The following CA5A variants were observed in gnomAD, a reference collection of about 807,000 sequenced individuals.
CA5A encodes carbonic anhydrase 5A, mitochondrial.
Under a neutral mutation model 37.1 loss-of-function variants are expected in CA5A, and 28 were observed. The observed-to-expected ratio is 0.75, with a 90% CI of 0.56 to 1.03. The LOEUF is 1.03. Ranked by LOEUF, CA5A falls within the 50% of genes least tolerant of loss-of-function variation. The probability of loss-of-function intolerance (pLI) is 0.00; values close to 1 mark genes in which losing one functional copy is unlikely to be tolerated. For missense variants in CA5A, 444 were observed against 399.9 expected (o/e 1.11, Z -0.94); for synonymous variants, 171 against 158.4 (o/e 1.08, Z -0.60).
intron 2 of CA5A, chr16:87,924,425 C>A (rs951876601): frequency 1.7e-6 from 1 of 578,964 alleles, no homozygotes; most frequent in African/African-American, 2.0e-5. Context: ...GAAGCTCTCA[C>A]GCCCTGCCCC....
Position 87,888,129 on chromosome 16 carries a change from C to T in CA5A, c.918G>A (p.Ter306=), listed in dbSNP as rs1174707961. 1 of 1,611,102 alleles carries T rather than the reference C, an allele frequency of 6.2e-7. No individual in the cohort carries two copies. The highest frequency in any genetic ancestry group is 1.3e-5 in the African/African-American group (1 of 74,822). Residue 306 remains the stop codon, a stop_retained_variant, in exon 7 of 7, where the codon TAG becomes TAA. Transcript: ENST00000649794. Reference sequence around the variant, plus strand: ...TGCTATTCATGTGGACCTAATGTCTCTAGGACCTTGTGCCCTCATTAGTGG... The same window carrying T: ...TGCTATTCATGTGGACCTAATGTCTTTAGGACCTTGTGCCCTCATTAGTGG... The part of the protein sequence containing the change: ...FQATNEGTRS[*]
intron 5 of CA5A, among the ~76,000 whole-genome samples, chr16:87,900,191 T>C (rs1476135348): frequency 2.0e-5 from 3 of 152,028 alleles, no homozygotes; most frequent in African/African-American, 7.2e-5. Flanking sequence ...CACCAAGAGG[T>C]GGGACCACCT....
At chr16:87,894,591 A>G (rs2055774394) in intron 5 of CA5A, among the ~76,000 whole-genome samples, 1 of 151,850 alleles carries the variant, frequency 6.6e-6, no homozygotes, top group Non-Finnish European at 1.5e-5. Context: ...AAAAAACAGC[A>G]TTATAGGCTG....
At chr16:87,909,110 C>T (rs1042503444) in intron 2 of CA5A, among the ~76,000 whole-genome samples, 1 of 151,854 alleles carries the variant, frequency 6.6e-6, no homozygotes, top group African/African-American at 2.4e-5. Flanking sequence ...GGATTACAGA[C>T]GTGAGCCACT....
At chr16:87,919,960 G>T (rs906378532) in intron 2 of CA5A, among the ~76,000 whole-genome samples, 1 of 152,138 alleles carries the variant, frequency 6.6e-6, no homozygotes, top group African/African-American at 2.4e-5. Context: ...CACCGCTCTC[G>T]TCCCTCCACC....
In CA5A at chr16:87,924,280, C is replaced by A. The variant is rs922219644; in HGVS notation, c.340+2468G>T. 23 of 985,354 alleles carry A rather than the reference C, an allele frequency of 2.3e-5. No homozygotes were observed. The African/African-American group carries it at 3.8e-4, about 16-fold the overall frequency. The allele number at this position is 985,354 out of a possible 1,614,324, so 61.0% of individuals were successfully genotyped here. A position where few individuals can be genotyped will look rare whatever the true frequency, so the allele number is the denominator to read the frequency against. ...AGCATCCGCGGGGGTTGCAGTGGAG[C>A]CTGATGAAGCAACCGTGAATGGCAC... is the stretch of plus-strand genomic sequence containing the variant. On this transcript the variant is annotated intron_variant, in intron 2 of 6. Coordinates refer to ENST00000649794, the MANE Select transcript of CA5A (RefSeq NM_001739.2).
chr16:87,920,314 A>T (rs1267816762), intron 2 of CA5A, among the ~76,000 whole-genome samples: 3 of 149,478 alleles, frequency 2.0e-5, no homozygotes, highest in African/African-American at 5.1e-5. Context: ...TGTTTGTTTG[A>T]TTGTTTGTTT....
chr16:87,932,069 G>A (rs904519347), intron 1 of CA5A, among the ~76,000 whole-genome samples: 36 of 152,050 alleles, frequency 2.4e-4, no homozygotes, highest in African/African-American at 8.7e-4. Context: ...AGCTGAGATT[G>A]CGCTATTGCA....
chr16:87,883,955 C>T (rs2143876341), downstream of CA5A: 1 of 151,456 alleles, frequency 6.6e-6, no homozygotes, highest in Admixed American at 6.6e-5. Context: ...CCTACTTATT[C>T]TTTATCTCCC....
intron 2 of CA5A, among the ~76,000 whole-genome samples, chr16:87,910,912 G>A (rs1025978743): frequency 6.6e-6 from 1 of 151,902 alleles, no homozygotes; most frequent in African/African-American, 2.4e-5. Context: ...AGCATGCCCA[G>A]CTAATTTTTG....
intron 2 of CA5A, among the ~76,000 whole-genome samples, chr16:87,919,699 G>T (rs919400850): frequency 7.2e-5 from 11 of 152,286 alleles, no homozygotes; most frequent in African/African-American, 2.2e-4. Context: ...GGTTCTGCCA[G>T]GTAAACCAAA....
intron 2 of CA5A, among the ~76,000 whole-genome samples, chr16:87,915,927 A>G (rs2056134249): frequency 6.6e-6 from 1 of 151,978 alleles, no homozygotes; most frequent in South Asian, 2.1e-4. Flanking sequence ...GTAATTTACA[A>G]AGAAAAAGAG....
At chr16:87,918,656 C>A (rs2056188862) in intron 2 of CA5A, among the ~76,000 whole-genome samples, 1 of 152,220 alleles carries the variant, frequency 6.6e-6, no homozygotes, top group Admixed American at 6.5e-5. Context: ...GTTCTCTGCA[C>A]CTTGTCCGCT....
At chr16:87,933,617 G>C (rs1405894433) in intron 1 of CA5A, among the ~76,000 whole-genome samples, 2 of 151,326 alleles carry the variant, frequency 1.3e-5, no homozygotes, top group Non-Finnish European at 2.9e-5. Flanking sequence ...TCCTGTGCTT[G>C]AGCTGTCCTC....
chr16:87,932,232 C>A (rs906035085), intron 1 of CA5A, among the ~76,000 whole-genome samples: 20 of 152,160 alleles, frequency 1.3e-4, no homozygotes, highest in Non-Finnish European at 2.9e-4. Context: ...ACCTGCCGGG[C>A]AAGGGGCATT....
intron 6 of CA5A, among the ~76,000 whole-genome samples, chr16:87,891,135 T>G (rs2055707283): frequency 7.3e-6 from 1 of 136,964 alleles, no homozygotes; most frequent in Admixed American, 7.1e-5. Flanking sequence ...TATTATTAAT[T>G]AATTTTCGAA....
rs1456028928 is a variant in CA5A at position 87,893,094 on chromosome 16, C to G, written c.619-1140G>C. The G allele has an allele frequency of 7.2e-6, 5 of 697,914 alleles. No homozygotes were observed. In the African/African-American group the frequency reaches 7.5e-5, roughly 10 times the overall value. The allele number at this position is 697,914 out of a possible 1,614,324, so 43.2% of individuals were successfully genotyped here. On this transcript the variant is annotated intron_variant, in intron 5 of 6. Coordinates refer to ENST00000649794, the MANE Select transcript of CA5A (RefSeq NM_001739.2). ...CAAGCCCCGAGGCTGCCTGAAGGAA[C>G]AGTTTGCCTAGAGACATTTCTTTCT...
intron 2 of CA5A, chr16:87,923,739 C>T: frequency 6.1e-6 from 6 of 985,104 alleles, no homozygotes; most frequent in Non-Finnish European, 7.2e-6. Context: ...TACTTTACGA[C>T]TTAGAGGAAA....
intron 2 of CA5A, among the ~76,000 whole-genome samples, chr16:87,912,235 C>G (rs34877995): frequency 0.43 from 65,965 of 151,920 alleles, 17,520 homozygotes; most frequent in African/African-American, 0.76. Flanking sequence ...CCGGGAGGTG[C>G]ATGTTGCAGT....
Sources: allele counts gnomAD v4.1 joint callset (sites outside exome capture counted in the v4.1 genomes callset), GRCh38; gene constraint gnomAD v4.1.1; transcripts MANE v1.5; gene names NCBI Gene and HGNC (gene_info 2026-07-23, HGNC 2026-07-21).